The following ABL1 variants were observed in gnomAD, a reference collection of about 807,000 sequenced individuals.
ABL1 encodes tyrosine-protein kinase ABL1.
In ABL1, 11 loss-of-function variants were observed where a neutral mutation model predicts 94.7. The ratio of observed to expected loss-of-function variants is 0.12; its 90% CI spans 0.07 to 0.19. The LOEUF (loss-of-function observed/expected upper bound fraction) is 0.19. Among genes scored for constraint, ABL1 ranks in the 10% least tolerant of loss-of-function variants. The pLI is 1.00. For synonymous variants in ABL1, 656 were observed against 622.4 expected (o/e 1.05, Z -0.80); for missense variants, 1,082 against 1,489.4 (o/e 0.73, Z 4.50).
intron 1 of ABL1, among the ~76,000 whole-genome samples, chr9:130,726,674 A>G (rs1445884930): frequency 2.0e-5 from 3 of 151,864 alleles, no homozygotes; most frequent in Admixed American, 1.3e-4. Flanking sequence ...GGGTCTTGCT[A>G]TGTTGCCCAG....
chr9:130,880,606 G>C lies in ABL1; in HGVS notation c.1620G>C (p.Glu540Asp), dbSNP rs781447697. 4 of 1,613,672 alleles carry C rather than the reference G, an allele frequency of 2.5e-6. No individual in the cohort carries two copies. The highest frequency in any genetic ancestry group is 3.3e-5 in the Admixed American group (2 of 59,962). ...TKTRTSRRAA[E>D]HRDTTDVPEM... ...CGAGGACCTCCAGGAGAGCTGCAGA[G>C]CACAGAGACACCACTGACGTGCCTG... Residue 540 changes from glutamate (E) to aspartate (D), a missense_variant, in exon 10 of 11, where the codon GAG becomes GAC. By Grantham distance (45) the Glu-to-Asp change is conservative (BLOSUM62 2). Coordinates refer to ENST00000318560, the MANE Select transcript of ABL1 (RefSeq NM_005157.6). This position sits in a 1 kb window ranked among gnomAD's most constrained non-coding sequence, Gnocchi z 4.4.
intron 1 of ABL1, among the ~76,000 whole-genome samples, chr9:130,842,391 A>G (rs943900957): frequency 2.0e-5 from 3 of 152,152 alleles, no homozygotes; most frequent in Non-Finnish European, 4.4e-5. Context: ...TAACCTCATT[A>G]CTCTTAAATT....
chr9:130,732,528 T>C (rs1831679835), intron 1 of ABL1, among the ~76,000 whole-genome samples: 1 of 152,126 alleles, frequency 6.6e-6, no homozygotes, highest in Non-Finnish European at 1.5e-5. Context: ...GTGGACTCAT[T>C]TTCTCTGTGT....
intron 1 of ABL1, among the ~76,000 whole-genome samples, chr9:130,714,705 G>C (rs1831415793): frequency 6.6e-6 from 1 of 152,114 alleles, no homozygotes; most frequent in Non-Finnish European, 1.5e-5. Context: ...TGTTGACCTT[G>C]GACAAGCCAC....
intron 1 of ABL1, among the ~76,000 whole-genome samples, chr9:130,728,248 T>TTTTTTTTTTTTTTG (rs1554757228): frequency 1.5e-4 from 23 of 148,716 alleles, no homozygotes; most frequent in African/African-American, 5.5e-4. Flanking sequence ...TTTTTTTTTT[T>TTTTTTTTTTTTTTG]GTGGAGACGG....
chr9:130,864,009 A>C (rs1189984813), intron 4 of ABL1, among the ~76,000 whole-genome samples: 1 of 152,078 alleles, frequency 6.6e-6, no homozygotes, highest in African/African-American at 2.4e-5. Flanking sequence ...CCTTTTAGGG[A>C]CTCCTTGACT....
chr9:130,720,236 A>G (rs193261068), intron 1 of ABL1, among the ~76,000 whole-genome samples: 2 of 152,320 alleles, frequency 1.3e-5, no homozygotes, highest in East Asian at 1.9e-4. Context: ...AATAAAATAC[A>G]GATATGTTAG....
chr9:130,747,274 A>C (rs1404976928), intron 1 of ABL1, among the ~76,000 whole-genome samples: 1 of 152,110 alleles, frequency 6.6e-6, no homozygotes, highest in African/African-American at 2.4e-5. Flanking sequence ...GCTACATGGG[A>C]GGTTGAGGTG....
At chr9:130,739,974 C>A (rs995664910) in intron 1 of ABL1, among the ~76,000 whole-genome samples, 2 of 152,128 alleles carry the variant, frequency 1.3e-5, no homozygotes, top group African/African-American at 4.8e-5. Flanking sequence ...AAGTTATGAT[C>A]CTTTAATTGA....
rs1164308479 is a variant in ABL1, at chr9:130,729,287, C to T, written c.136+14832C>T. Reference sequence around the variant, plus strand: ...GTGCAGTTCTCAGCCTCACAGCCACCGCTGTCTGCTAAACTGCATAGAATC... The same window carrying T: ...GTGCAGTTCTCAGCCTCACAGCCACTGCTGTCTGCTAAACTGCATAGAATC... On this transcript the variant is annotated intron_variant, in intron 1 of 10. Transcript: ENST00000372348. Among the ~76,000 whole-genome samples the T allele has an allele frequency of 4.6e-5, 7 of 152,188 alleles. No homozygotes were observed. In the East Asian group the frequency reaches 7.7e-4, roughly 17 times the overall value.
intron 1 of ABL1, among the ~76,000 whole-genome samples, chr9:130,827,438 C>G (rs1830440324): frequency 6.6e-6 from 1 of 152,180 alleles, no homozygotes; most frequent in Admixed American, 6.5e-5. Flanking sequence ...TAACAGTCAT[C>G]TTTTAGTTGC....
chr9:130,759,774 G>A (rs951987741), intron 1 of ABL1, among the ~76,000 whole-genome samples: 4 of 151,874 alleles, frequency 2.6e-5, no homozygotes, highest in African/African-American at 7.3e-5. Context: ...CCTAGGACAC[G>A]CTGTCATTGT....
At chr9:130,853,939 A>C (rs1296175372) in intron 1 of ABL1, 125 bp from the exon 2 acceptor site, 2 of 991,136 alleles carry the variant, frequency 2.0e-6, no homozygotes, top group African/African-American at 3.3e-5. Context: ...TACAGATGTT[A>C]AGAAATGAAA....
chr9:130,721,539 T>C (rs1164309917), intron 1 of ABL1, among the ~76,000 whole-genome samples: 1 of 152,034 alleles, frequency 6.6e-6, no homozygotes, highest in Non-Finnish European at 1.5e-5. Context: ...CGAAACCCCA[T>C]CTCTACTAAC....
At chr9:130,879,847 G>A (rs1249275390) in intron 8 of ABL1, among the ~76,000 whole-genome samples, 4 of 152,160 alleles carry the variant, frequency 2.6e-5, no homozygotes, top group African/African-American at 9.7e-5. Context: ...CTGTCTCTCT[G>A]GGGTTTTACA....
intron 1 of ABL1, among the ~76,000 whole-genome samples, chr9:130,826,827 C>T (rs1279316319): frequency 6.6e-6 from 1 of 152,150 alleles, no homozygotes; most frequent in African/African-American, 2.4e-5. Context: ...GCCTGTAATC[C>T]CAGCACTTTG....
chr9:130,839,236 G>A (rs930818784), intron 1 of ABL1, among the ~76,000 whole-genome samples: 48 of 152,104 alleles, frequency 3.2e-4, no homozygotes, highest in African/African-American at 1.1e-3. Flanking sequence ...CTGAACTTTC[G>A]AAATTTATTT....
chr9:130,875,224 C>G (rs1471131912), intron 7 of ABL1, among the ~76,000 whole-genome samples, 172 bp downstream of exon 7: 1 of 152,148 alleles, frequency 6.6e-6, no homozygotes, highest in East Asian at 1.9e-4. Flanking sequence ...TCATTGCAGC[C>G]TCTCCCTCCC....
intron 1 of ABL1, among the ~76,000 whole-genome samples, chr9:130,774,463 A>T (rs368002384): frequency 1.3e-5 from 2 of 152,262 alleles, no homozygotes; most frequent in South Asian, 2.1e-4. Flanking sequence ...TAAAGCTAAG[A>T]TCATTGATTG....
Sources: gnomAD v4.1 joint callset for allele counts (sites outside exome capture counted in the v4.1 genomes callset) on GRCh38, gnomAD v4.1.1 for gene constraint, Gnocchi (gnomAD v3.1) non-coding constraint, MANE v1.5 for transcripts, NCBI Gene and HGNC (gene_info 2026-07-23, HGNC 2026-07-21) for gene names.